Variants in EXOC4 observed in about 807,000 individuals in gnomAD.
The protein encoded by EXOC4 is exocyst complex component 4.
Under a neutral mutation model 107.2 loss-of-function variants are expected in EXOC4, and 71 were observed. That is an observed-to-expected ratio of 0.66 (90% confidence interval 0.55 to 0.81). The LOEUF is 0.81. Among genes scored for constraint, EXOC4 ranks in the 30% least tolerant of loss-of-function variants. EXOC4 has a pLI of 0.00. For missense variants in EXOC4, 1,108 were observed against 1,189.6 expected (o/e 0.93, Z 1.01); for synonymous variants, 456 against 441.2 (o/e 1.03, Z -0.42).
intron 14 of EXOC4, among the ~76,000 whole-genome samples, chr7:133,943,921 C>T (rs1179043649): frequency 6.6e-6 from 1 of 152,118 alleles, no homozygotes; most frequent in Non-Finnish European, 1.5e-5. Flanking sequence ...TTTTATAACA[C>T]ACCCCAATTC....
At chr7:133,878,724 GTT>G in intron 11 of EXOC4, among the ~76,000 whole-genome samples, 1 of 151,808 alleles carries the variant, frequency 6.6e-6, no homozygotes, top group Admixed American at 6.6e-5. Context: ...TTTTTTTTAT[GTT>G]TGTTTGTTTG....
intron 10 of EXOC4, among the ~76,000 whole-genome samples, chr7:133,813,043 A>T (rs1196616147): frequency 2.0e-5 from 3 of 152,156 alleles, no homozygotes; most frequent in Non-Finnish European, 2.9e-5. Flanking sequence ...CTCTGAAAGC[A>T]GATTTGGAAA....
At chr7:133,844,960 A>T (rs530403212) in intron 11 of EXOC4, among the ~76,000 whole-genome samples, 3 of 152,296 alleles carry the variant, frequency 2.0e-5, no homozygotes, top group South Asian at 4.1e-4. Context: ...TGTATCAAAT[A>T]TGAATTTTAT....
intron 10 of EXOC4, among the ~76,000 whole-genome samples, chr7:133,649,442 T>C (rs62470059): frequency 0.43 from 63,888 of 149,166 alleles, 14,670 homozygotes; most frequent in Admixed American, 0.57. Flanking sequence ...CAGACCCTAC[T>C]GTGTGTGAAG....
chr7:133,562,862 T>C (rs1800836093), intron 9 of EXOC4, among the ~76,000 whole-genome samples: 1 of 152,172 alleles, frequency 6.6e-6, no homozygotes, highest in African/African-American at 2.4e-5. Flanking sequence ...AGTCATCACA[T>C]TTTGGTATTG....
chr7:133,817,431 T>C lies in EXOC4; in HGVS notation c.1621T>C (p.Leu541=). The C allele has an allele frequency of 6.2e-7, 1 of 1,614,102 alleles. No individual in the cohort carries two copies. Among genetic ancestry groups the C allele is most frequent in the Non-Finnish European group, 8.5e-7 (1 of 1,179,974 alleles). Residue 541 remains leucine, a synonymous_variant, in exon 11 of 18, where the codon TTG becomes CTG. Coordinates refer to ENST00000253861, the MANE Select transcript of EXOC4 (RefSeq NM_021807.4). ...CAAAAACATCTTTCTCAATCAAGTC[T>C]TGGCTGAGATCAACAAGGAGATTGA... is the stretch of plus-strand genomic sequence containing the variant. ...YIKNIFLNQV[L]AEINKEIEGV...
chr7:133,472,313 C>T (rs1352354996), intron 7 of EXOC4, among the ~76,000 whole-genome samples: 2 of 152,202 alleles, frequency 1.3e-5, no homozygotes, highest in Middle Eastern at 3.4e-3. Flanking sequence ...AAGTTGGTGG[C>T]TGTCAAAATG....
intron 10 of EXOC4, among the ~76,000 whole-genome samples, chr7:133,687,134 A>G (rs1226111065): frequency 6.6e-6 from 1 of 151,988 alleles, no homozygotes; most frequent in Admixed American, 6.6e-5. Flanking sequence ...CTATTATTGT[A>G]AGTGAAGTAA....
chr7:133,560,650 G>A (rs990558086), intron 9 of EXOC4, among the ~76,000 whole-genome samples: 4 of 152,252 alleles, frequency 2.6e-5, no homozygotes, highest in African/African-American at 9.6e-5. Flanking sequence ...ATGGTAAAGT[G>A]GGCTGGTGTG....
chr7:133,843,213 T>C (rs1336218033), intron 11 of EXOC4, among the ~76,000 whole-genome samples: 1 of 152,176 alleles, frequency 6.6e-6, no homozygotes, highest in Non-Finnish European at 1.5e-5. Flanking sequence ...GAAAACGTCA[T>C]TGGTAGTTTG....
At chr7:133,679,807 GCT>G (rs1794149260) in intron 10 of EXOC4, among the ~76,000 whole-genome samples, 1 of 152,130 alleles carries the variant, frequency 6.6e-6, no homozygotes, top group South Asian at 2.1e-4. Flanking sequence ...CTAAAAGATT[GCT>G]CATAAATGGC....
At chr7:133,821,887 A>G (rs1585174886) in intron 11 of EXOC4, among the ~76,000 whole-genome samples, 1 of 152,206 alleles carries the variant, frequency 6.6e-6, no homozygotes, top group Admixed American at 6.5e-5. Flanking sequence ...GTGAATGAAA[A>G]TGAATGAATG....
intron 7 of EXOC4, among the ~76,000 whole-genome samples, chr7:133,411,658 A>AGTAGGACAGTTTTT (rs2150746167): frequency 1.3e-5 from 2 of 152,268 alleles, no homozygotes; most frequent in African/African-American, 4.8e-5. Context: ...CATCAGCAAA[A>AGTAGGACAGTTTTT]GTAGGACAGT....
intron 9 of EXOC4, among the ~76,000 whole-genome samples, chr7:133,543,929 T>C (rs558349182): frequency 6.6e-6 from 1 of 152,302 alleles, no homozygotes; most frequent in South Asian, 2.1e-4. Flanking sequence ...AGTCTTTAGT[T>C]TGCCTGTAAA....
At chr7:133,482,859 C>T (rs1390800235) in intron 9 of EXOC4, among the ~76,000 whole-genome samples, 1 of 152,102 alleles carries the variant, frequency 6.6e-6, no homozygotes, top group Non-Finnish European at 1.5e-5. Context: ...TTTGTCCTTT[C>T]TGTCATCTTT....
Position 133,828,227 on chromosome 7 carries a change from T to C in EXOC4, c.1734+10683T>C, listed in dbSNP as rs2151233791. Among the ~76,000 whole-genome samples the C allele has an allele frequency of 1.3e-5, 2 of 152,284 alleles. 1 individual carries two copies. Among genetic ancestry groups the C allele is most frequent in the Middle Eastern group, 6.8e-3 (2 of 294 alleles). ...GCCTTTGCCTGAAATATATTTGACT[T>C]TACTTGCTAACAAAGGCATCTTCAG... On this transcript the variant is annotated intron_variant, in intron 11 of 17. Transcript: ENST00000253861.
intron 17 of EXOC4, among the ~76,000 whole-genome samples, chr7:134,042,102 A>G (rs1348905821): frequency 1.3e-5 from 2 of 152,130 alleles, no homozygotes; most frequent in Admixed American, 6.5e-5. Flanking sequence ...AGCGCCTGCC[A>G]CAAATGTCTT....
intron 10 of EXOC4, among the ~76,000 whole-genome samples, chr7:133,762,161 C>T (rs1198717005): frequency 6.6e-6 from 1 of 152,084 alleles, no homozygotes; most frequent in Admixed American, 6.6e-5. Context: ...GTATGTATGT[C>T]TTATATCCCC....
At position 133,997,579 on chromosome 7, in the gene EXOC4, A is replaced by T. The variant is rs764781492; in HGVS notation, c.2294A>T (p.Lys765Ile). The change falls in exon 15 of 18, where the codon AAA becomes ATA. Residue 765 changes from lysine to isoleucine, a missense_variant. Lys to Ile is a moderately radical substitution (Grantham distance 102). Transcript: ENST00000253861. ...QIMQTLSELA[K>I]SFQDMADRCL... ...ATGCAGACTCTCAGTGAACTTGCCA[A>T]ATCGTTCCAGGATATGGCTGACCGC... 6 of 1,613,710 alleles carry T rather than the reference A, an allele frequency of 3.7e-6. No homozygotes were observed. Among genetic ancestry groups the T allele is most frequent in the Admixed American group, 3.3e-5 (2 of 59,928 alleles).
Sources: allele counts gnomAD v4.1 joint callset (sites outside exome capture counted in the v4.1 genomes callset), GRCh38; gene constraint gnomAD v4.1.1; transcripts MANE v1.5; gene names NCBI Gene and HGNC (gene_info 2026-07-23, HGNC 2026-07-21).